Variants in PPM1B observed in about 807,000 individuals in gnomAD.
The protein encoded by PPM1B is protein phosphatase, Mg2+/Mn2+ dependent 1B, also known as protein phosphatase 1B.
PPM1B carries 22 observed loss-of-function variants against 43.0 expected under a neutral mutation model. The observed-to-expected ratio is 0.51, with a 90% CI of 0.37 to 0.73. The LOEUF (loss-of-function observed/expected upper bound fraction) is 0.73. Among genes scored for constraint, PPM1B ranks in the 30% least tolerant of loss-of-function variants. PPM1B has a pLI of 0.00. For synonymous variants in PPM1B, 217 were observed against 197.9 expected (o/e 1.10, Z -0.81); for missense variants, 632 against 584.2 (o/e 1.08, Z -0.84).
Position 44,230,660 on chromosome 2 carries a change from C to A in PPM1B, c.1382C>A (p.Ala461Asp). 1.2e-6 allele frequency: 2 copies of A among 1,614,048 alleles called. No homozygotes were observed. Among genetic ancestry groups the A allele is most frequent in the Non-Finnish European group, 1.7e-6 (2 of 1,179,982 alleles). Residue 461 changes from alanine to aspartate, a missense_variant, in exon 6 of 6, where the codon GCT becomes GAT. Around this residue, in one of 3 missense-constraint regions of PPM1B, gnomAD observed 392 missense variants for 302.7 expected, o/e 1.29. Coordinates refer to ENST00000282412, the MANE Select transcript of PPM1B (RefSeq NM_002706.6). ...CATACTGAATCAGAAAGTGGTCTTG[C>A]TGAATTAGACAGCTCTAATGAAGAT... ...ESHTESESGL[A>D]ELDSSNEDAG...
At chr2:44,244,838 TACACACAC>T (rs57666659), downstream of PPM1B, among the ~76,000 whole-genome samples, 3 of 144,542 alleles carry the variant, frequency 2.1e-5, no homozygotes, top group Non-Finnish European at 3.0e-5. Context: ...TATATATATA[TACACACAC>T]ACACACATAT....
At chr2:44,233,533 T>C (rs900999155), downstream of PPM1B, 2 of 984,946 alleles carry the variant, frequency 2.0e-6, no homozygotes, top group Non-Finnish European at 2.4e-6. Flanking sequence ...AATGAATGTA[T>C]CCATTTGTAC....
At chr2:44,172,116 A>T (rs942330146) in intron 1 of PPM1B, among the ~76,000 whole-genome samples, 1 of 152,208 alleles carries the variant, frequency 6.6e-6, no homozygotes, top group Non-Finnish European at 1.5e-5. Flanking sequence ...GTAATAGCAT[A>T]AAATGTGAAA....
chr2:44,223,536 G>A (rs1039166397), intron 5 of PPM1B, among the ~76,000 whole-genome samples: 10 of 152,006 alleles, frequency 6.6e-5, no homozygotes, highest in South Asian at 2.1e-4. Flanking sequence ...CAGGCCGGGC[G>A]CGGTGGCTCA....
At chr2:44,191,157 C>T (rs59599651) in intron 1 of PPM1B, among the ~76,000 whole-genome samples, 6,141 of 152,240 alleles carry the variant, frequency 0.04, 400 homozygotes, top group African/African-American at 0.14. Context: ...TTTTTAAATA[C>T]TTTTGCCACA....
chr2:44,177,234 A>G (rs187122253), intron 1 of PPM1B, among the ~76,000 whole-genome samples: 1 of 152,302 alleles, frequency 6.6e-6, no homozygotes. Context: ...TCTTAGATTT[A>G]AAAATAACCA....
downstream of PPM1B, chr2:44,234,660 C>T: frequency 1.0e-6 from 1 of 977,466 alleles, no homozygotes; most frequent in Non-Finnish European, 1.2e-6. Context: ...CCTAGCCTGG[C>T]TATTCTCAAG....
intron 3 of PPM1B, among the ~76,000 whole-genome samples, chr2:44,217,605 C>G (rs927124408): frequency 1.3e-5 from 2 of 152,102 alleles, no homozygotes; most frequent in African/African-American, 4.8e-5. Context: ...CTGTATTCAT[C>G]AAGACACCTA....
At chr2:44,222,907 T>C (rs1036957434) in intron 5 of PPM1B, among the ~76,000 whole-genome samples, 5 of 152,204 alleles carry the variant, frequency 3.3e-5, no homozygotes, top group Non-Finnish European at 7.3e-5. Context: ...CATGGCTCTC[T>C]GTAGCCTCAA....
At chr2:44,233,894 G>T (rs1188070606), downstream of PPM1B, 1 of 985,280 alleles carries the variant, frequency 1.0e-6, no homozygotes, top group Non-Finnish European at 1.2e-6. Flanking sequence ...GGGTTTGGGG[G>T]GTTGTTAAAA....
At chr2:44,243,849 C>G (rs959104006) in intron 5 of PPM1B, among the ~76,000 whole-genome samples, 1 of 151,996 alleles carries the variant, frequency 6.6e-6, no homozygotes, top group African/African-American at 2.4e-5. Context: ...AATAACTTGG[C>G]CAAGATATCC....
intron 5 of PPM1B, among the ~76,000 whole-genome samples, chr2:44,224,902 C>T (rs1331261311): frequency 6.6e-6 from 1 of 152,040 alleles, no homozygotes; most frequent in Non-Finnish European, 1.5e-5. Context: ...ATAATAATTT[C>T]ACCAATATTT....
intron 1 of PPM1B, among the ~76,000 whole-genome samples, chr2:44,180,707 C>G (rs552869687): frequency 1.3e-5 from 2 of 151,780 alleles, no homozygotes; most frequent in East Asian, 1.9e-4. Flanking sequence ...AACTTCTGGG[C>G]TCAAGCTATC....
Position 44,218,090 on chromosome 2 carries a change from A to G in PPM1B, c.1076+12A>G. On this transcript the variant is annotated intron_variant, in intron 4 of 5. Coordinates refer to ENST00000282412, the MANE Select transcript of PPM1B (RefSeq NM_002706.6). ...GGTCTTGCTGGCAAGTAAGTAGAAC[A>G]AAAAGCTAATTTTGAGTTCGTTCAT... 6.3e-7 allele frequency: 1 copy of G among 1,581,144 alleles called. No individual in the cohort carries two copies. The highest frequency in any genetic ancestry group is 1.7e-4 in the Middle Eastern group (1 of 6,006).
chr2:44,217,892 G>T (rs1669795806), intron 3 of PPM1B, 75 bp from the exon 4 acceptor site: 3 of 829,550 alleles, frequency 3.6e-6, no homozygotes, highest in African/African-American at 3.6e-5. Context: ...CTACCAAATA[G>T]TATCTCTTGT....
chr2:44,221,327 A>G (rs1004398240), intron 5 of PPM1B, among the ~76,000 whole-genome samples: 1 of 152,216 alleles, frequency 6.6e-6, no homozygotes, highest in African/African-American at 2.4e-5. Flanking sequence ...ATGTTGAACT[A>G]TAATTGCAAG....
Position 44,218,052 on chromosome 2 carries a change from GC to G in PPM1B, c.1052del (p.Pro351LeufsTer20). ...ILSAENIPNLPPGGGLAGKRN... is the reference protein window; with the variant it reads ...ILSAENIPNLXPGGGLAGKRN... The stretch of plus-strand genomic sequence containing the variant: ...TGTCTGCAGAAAATATCCCAAATTT[GC>G]CTCCTGGGGGAGGTCTTGCTGGCAA... On this transcript the variant is annotated frameshift_variant, in exon 4 of 6. Coordinates refer to ENST00000282412, the MANE Select transcript of PPM1B (RefSeq NM_002706.6). LOFTEE classifies it high-confidence loss of function. 1 of 1,612,788 alleles carries G rather than the reference GC, an allele frequency of 6.2e-7. No individual in the cohort carries two copies.
intron 1 of PPM1B, among the ~76,000 whole-genome samples, chr2:44,189,830 C>A (rs1296800981): frequency 6.6e-6 from 1 of 152,178 alleles, no homozygotes; most frequent in Non-Finnish European, 1.5e-5. Flanking sequence ...GATATCTCTA[C>A]CCATTGATGG....
chr2:44,205,995 G>A (rs548183443), intron 2 of PPM1B, among the ~76,000 whole-genome samples: 21 of 152,236 alleles, frequency 1.4e-4, no homozygotes, highest in African/African-American at 5.1e-4. Flanking sequence ...CAGCCTGGGC[G>A]ACAGAGTGAG....
Sources: allele counts gnomAD v4.1 joint callset (sites outside exome capture counted in the v4.1 genomes callset), GRCh38; gene constraint gnomAD v4.1.1; regional missense constraint gnomAD v4.1.1; transcripts MANE v1.5; gene names NCBI Gene and HGNC (gene_info 2026-07-23, HGNC 2026-07-21).